The following COL6A6 variants were observed in gnomAD, a reference collection of about 807,000 sequenced individuals.
COL6A6 encodes the protein collagen type VI alpha 6 chain.
Under a neutral mutation model 208.6 loss-of-function variants are expected in COL6A6, and 183 were observed. The observed-to-expected ratio is 0.88, with a 90% CI of 0.78 to 0.99. The LOEUF is 0.99. Ranked by LOEUF, COL6A6 falls within the 50% of genes least tolerant of loss-of-function variation. The pLI is 0.00. For missense variants in COL6A6, 2,816 were observed against 2,815.2 expected (o/e 1.00, Z -0.01); for synonymous variants, 973 against 1,011.8 (o/e 0.96, Z 0.73).
chr3:130,530,613 G>A (rs2062058958), intron 1 of COL6A6, among the ~76,000 whole-genome samples: 1 of 152,218 alleles, frequency 6.6e-6, no homozygotes, highest in African/African-American at 2.4e-5. Context: ...GATTAAATTT[G>A]CCTCACAGGG....
At chr3:130,526,813 T>TAA (rs34245542) in intron 1 of COL6A6, among the ~76,000 whole-genome samples, 14 of 146,880 alleles carry the variant, frequency 9.5e-5, no homozygotes, top group African/African-American at 1.7e-4. Flanking sequence ...CTCCATGAGA[T>TAA]AAAAAAAAAA....
At chr3:130,537,639 A>C (rs1020029721) in intron 1 of COL6A6, among the ~76,000 whole-genome samples, 1 of 152,366 alleles carries the variant, frequency 6.6e-6, no homozygotes, top group African/African-American at 2.4e-5. Flanking sequence ...TTGAATGTCT[A>C]CTTTGGGCTT....
Position 130,662,004 on chromosome 3 carries a change from G to T in COL6A6, c.6198G>T (p.Gln2066His), listed in dbSNP as rs1357594937. The T allele has an allele frequency of 1.9e-6, 3 of 1,613,986 alleles. No individual in the cohort carries two copies. The highest frequency in any genetic ancestry group is 2.5e-6 in the Non-Finnish European group (3 of 1,179,878). Residue 2066 changes from glutamine to histidine, a missense_variant, in exon 35 of 37, where the codon CAG (glutamine) becomes CAT (histidine). Coordinates refer to ENST00000358511, the MANE Select transcript of COL6A6 (RefSeq NM_001102608.3). ...ATGCTTTTATTGGTCATGCCTTACA[G>T]TGGACTCTGGACAATGTATTTTTAA... ...NGDAFIGHAL[Q>H]WTLDNVFLST...
At chr3:130,517,001 G>A (rs949298848), upstream of COL6A6, among the ~76,000 whole-genome samples, 1 of 152,174 alleles carries the variant, frequency 6.6e-6, no homozygotes, top group South Asian at 2.1e-4. Flanking sequence ...CAAGAGGGGA[G>A]AAGCCGGTGG....
intron 25 of COL6A6, 57 bp downstream of exon 25, chr3:130,626,604 C>T: frequency 1.7e-6 from 2 of 1,190,456 alleles, no homozygotes; most frequent in East Asian, 2.3e-5. Context: ...GTTCAGTAGA[C>T]ATCTGGTGTG....
chr3:130,533,932 T>G (rs936939212), intron 1 of COL6A6, among the ~76,000 whole-genome samples: 1 of 152,082 alleles, frequency 6.6e-6, no homozygotes, highest in African/African-American at 2.4e-5. Flanking sequence ...CCCACGTATG[T>G]GTGTGTGCAC....
chr3:130,593,255 AG>A lies in COL6A6; in HGVS notation c.4470+6del, dbSNP rs1480375815. On this transcript the variant is annotated splice_donor_region_variant and intron_variant, in intron 17 of 36. Transcript: ENST00000358511. ...AAAAGGGAGATGAGGGATCTCAGGTAGGGATTTGAAAAGGAAGAACATAAAA... is the reference window on the plus strand; with the variant it reads ...AAAAGGGAGATGAGGGATCTCAGGTAGGATTTGAAAAGGAAGAACATAAAA... The A allele has an allele frequency of 1.2e-6, 2 of 1,609,106 alleles. No individual in the cohort carries two copies. The highest frequency in any genetic ancestry group is 1.7e-6 in the Non-Finnish European group (2 of 1,175,498).
intron 1 of COL6A6, among the ~76,000 whole-genome samples, chr3:130,527,765 A>G (rs184762538): frequency 6.6e-6 from 1 of 152,222 alleles, no homozygotes; most frequent in Admixed American, 6.5e-5. Context: ...TCCAGAATAC[A>G]AAAAGAGGAA....
At chr3:130,668,896 A>G (rs1189404186) in intron 36 of COL6A6, among the ~76,000 whole-genome samples, 1 of 152,244 alleles carries the variant, frequency 6.6e-6, no homozygotes, top group Non-Finnish European at 1.5e-5. Flanking sequence ...AAATGATTTA[A>G]TAGATACATG....
At chr3:130,669,408 TAAATAA>T (rs1331564707) in intron 36 of COL6A6, among the ~76,000 whole-genome samples, 1 of 151,108 alleles carries the variant, frequency 6.6e-6, no homozygotes, top group Non-Finnish European at 1.5e-5. Flanking sequence ...AATATATATA[TAAATAA>T]AAATAAAATA....
intron 3 of COL6A6, 75 bp downstream of exon 3, chr3:130,563,739 T>G: frequency 1.0e-6 from 1 of 988,134 alleles, no homozygotes; most frequent in Non-Finnish European, 1.5e-6. Flanking sequence ...GGATTGAAAT[T>G]CTATGAATAT....
chr3:130,572,013 G>C (rs57519042), intron 7 of COL6A6, among the ~76,000 whole-genome samples: 1 of 152,036 alleles, frequency 6.6e-6, no homozygotes, highest in African/African-American at 2.4e-5. Flanking sequence ...GCCTTCATTA[G>C]AACACATATG....
chr3:130,672,292 C>A (rs2066237267), intron 36 of COL6A6, among the ~76,000 whole-genome samples: 1 of 152,154 alleles, frequency 6.6e-6, no homozygotes, highest in Non-Finnish European at 1.5e-5. Flanking sequence ...TAGACGATTT[C>A]ATTCTTTGTC....
At chr3:130,658,624 G>C in intron 33 of COL6A6, 52 bp from the exon 34 acceptor site, 1 of 1,215,904 alleles carries the variant, frequency 8.2e-7, no homozygotes, top group Non-Finnish European at 1.2e-6. Flanking sequence ...GTCCTAAGAG[G>C]TTCTTGCAGC....
intron 4 of COL6A6, 114 bp downstream of exon 4, chr3:130,565,728 CT>C: frequency 1.6e-6 from 2 of 1,254,426 alleles, no homozygotes; most frequent in Non-Finnish European, 2.1e-6. Flanking sequence ...GGATAAGTTC[CT>C]AATTCTTTTA....
chr3:130,571,385 C>T lies in COL6A6; in HGVS notation c.2969C>T (p.Ser990Leu). The change falls in exon 7 of 37, where the codon TCA becomes TTA. Residue 990 changes from serine (S) to leucine (L), a missense_variant. Coordinates refer to ENST00000358511, the MANE Select transcript of COL6A6 (RefSeq NM_001102608.3). ...GTGACAGCCAGTGTCTGCAACTCTT[C>T]AAAAGTAGGTAAGTTTTGCCAACTA... ...SDVTASVCNSSKVDCEIDKVD... is the reference protein window; with the variant it reads ...SDVTASVCNSLKVDCEIDKVD... 3 of 1,553,922 alleles carry T rather than the reference C, an allele frequency of 1.9e-6. No homozygotes were observed. Among genetic ancestry groups the T allele is most frequent in the Non-Finnish European group, 2.6e-6 (3 of 1,151,888 alleles).
At chr3:130,641,915 GA>G (rs1297898204) in intron 29 of COL6A6, among the ~76,000 whole-genome samples, 1 of 152,178 alleles carries the variant, frequency 6.6e-6, no homozygotes, top group Non-Finnish European at 1.5e-5. Context: ...TCTTGAGAGA[GA>G]GGGGAAATTG....
At chr3:130,654,594 T>C (rs1394023783) in intron 33 of COL6A6, among the ~76,000 whole-genome samples, 2 of 152,224 alleles carry the variant, frequency 1.3e-5, no homozygotes, top group Non-Finnish European at 2.9e-5. Flanking sequence ...TAAGTAGAAT[T>C]TATAAGTATC....
chr3:130,528,120 A>AAAATCTC (rs1263274791), intron 1 of COL6A6, among the ~76,000 whole-genome samples: 1 of 152,152 alleles, frequency 6.6e-6, no homozygotes, highest in African/African-American at 2.4e-5. Context: ...CTATGACAGA[A>AAAATCTC]AAATCTCAGA....
Sources: gnomAD v4.1 joint callset for allele counts (sites outside exome capture counted in the v4.1 genomes callset) on GRCh38, gnomAD v4.1.1 for gene constraint, MANE v1.5 for transcripts, NCBI Gene and HGNC (gene_info 2026-07-23, HGNC 2026-07-21) for gene names.